The following CCDC73 variants were observed in gnomAD, a reference collection of about 807,000 sequenced individuals.
The protein encoded by CCDC73 is coiled-coil domain-containing protein 73.
In CCDC73, 95 loss-of-function variants were observed where a neutral mutation model predicts 116.5. The observed-to-expected ratio is 0.82, with a 90% CI of 0.69 to 0.97. CCDC73 has a LOEUF of 0.97. Among genes scored for constraint, CCDC73 ranks in the 50% least tolerant of loss-of-function variants. CCDC73 has a pLI of 0.00. For synonymous variants in CCDC73, 398 were observed against 401.3 expected (o/e 0.99, Z 0.10); for missense variants, 1,066 against 1,206.8 (o/e 0.88, Z 1.73).
intron 2 of CCDC73, among the ~76,000 whole-genome samples, chr11:32,741,316 G>C (rs1383312815): frequency 6.6e-6 from 1 of 152,030 alleles, no homozygotes; most frequent in Non-Finnish European, 1.5e-5. Context: ...TCTCTCTTTA[G>C]CTCTAGTAAC....
At chr11:32,721,746 C>T (rs959493771) in intron 2 of CCDC73, among the ~76,000 whole-genome samples, 3 of 151,606 alleles carry the variant, frequency 2.0e-5, no homozygotes, top group South Asian at 2.1e-4. Flanking sequence ...TACAGGCACC[C>T]GCCACAGTGC....
At chr11:32,661,507 G>A (rs892325820) in intron 9 of CCDC73, among the ~76,000 whole-genome samples, 6 of 140,106 alleles carry the variant, frequency 4.3e-5, no homozygotes, top group African/African-American at 1.6e-4. Context: ...GTGTCCAAGT[G>A]TTCTCATTGT....
intron 2 of CCDC73, among the ~76,000 whole-genome samples, chr11:32,718,824 G>A (rs763724887): frequency 5.3e-5 from 8 of 152,164 alleles, no homozygotes; most frequent in Non-Finnish European, 7.4e-5. Flanking sequence ...AGGACTGGGA[G>A]AACAAGGCAA....
intron 2 of CCDC73, among the ~76,000 whole-genome samples, chr11:32,733,638 T>C (rs533121794): frequency 1.3e-5 from 2 of 152,258 alleles, no homozygotes; most frequent in African/African-American, 4.8e-5. Context: ...CTCAACTACA[T>C]GGAAACTGAA....
In CCDC73 at chr11:32,614,413, T is replaced by A. The variant is rs767841619; in HGVS notation, c.1905A>T (p.Ile635=). 42 of 1,613,392 alleles carry A rather than the reference T, an allele frequency of 2.6e-5. No homozygotes were observed. The South Asian group carries it at 4.3e-4, about 16-fold the overall frequency. Residue 635 remains isoleucine (I), a synonymous_variant, in exon 16 of 18, where the codon ATA becomes ATT. Coordinates refer to ENST00000335185, the MANE Select transcript of CCDC73 (RefSeq NM_001008391.4). The part of the protein sequence containing the change: ...TKADLDSSLD[I]KKNPVPCQKY... ...TCTGACATGGAACAGGATTTTTTTT[T>A]ATATCTAGAGACGAGTCCAAATCTG...
At chr11:32,829,291 T>C in the CCDC73 span, among the ~76,000 whole-genome samples, 1 of 152,182 alleles carries the variant, frequency 6.6e-6, no homozygotes, top group Admixed American at 6.5e-5. Flanking sequence ...ATGATGACGT[T>C]ATTACACTTC....
intron 1 of CCDC73, among the ~76,000 whole-genome samples, chr11:32,787,433 C>T (rs1461527901): frequency 1.3e-5 from 2 of 152,110 alleles, no homozygotes; most frequent in African/African-American, 4.8e-5. Flanking sequence ...AGAATATAAA[C>T]ACAATTGTCT....
intron 1 of CCDC73, among the ~76,000 whole-genome samples, chr11:32,775,998 T>A (rs571864591): frequency 1.3e-5 from 2 of 152,304 alleles, no homozygotes; most frequent in East Asian, 3.9e-4. Context: ...TATTTTAATC[T>A]CCAATGAACA....
chr11:32,722,599 A>C (rs111625135), intron 2 of CCDC73, among the ~76,000 whole-genome samples: 3,734 of 152,292 alleles, frequency 0.025, 140 homozygotes, highest in African/African-American at 0.083. Context: ...TATTATTAAA[A>C]CATATTGAAA....
In CCDC73 at chr11:32,635,755, G is replaced by T; in HGVS notation, c.1126C>A (p.Gln376Lys). 1.6e-6 allele frequency: 2 copies of T among 1,290,306 alleles called. No homozygotes were observed. Among genetic ancestry groups the T allele is most frequent in the Non-Finnish European group, 2.0e-6 (2 of 997,688 alleles). 79.9% of individuals were successfully genotyped at this position (1,290,306 alleles called of 1,614,324 possible). The change falls in exon 14 of 18, where the codon CAA becomes AAA. Residue 376 changes from glutamine to lysine, a missense_variant. By Grantham distance (53) the Gln-to-Lys change is moderately conservative. Coordinates refer to ENST00000335185, the MANE Select transcript of CCDC73 (RefSeq NM_001008391.4). ...SSLKETHIKL[Q>K]EHYNKLCNQK... ...TTGCATAATTTGTTATAATGTTCTT[G>T]TAACTTAATATGAGTTTCTTTAAGG...
intron 1 of CCDC73, among the ~76,000 whole-genome samples, chr11:32,783,749 G>A (rs1850603057): frequency 6.6e-6 from 1 of 152,034 alleles, no homozygotes; most frequent in Admixed American, 6.5e-5. Flanking sequence ...ACCACACTGG[G>A]GATTAGGTTT....
chr11:32,755,611 G>GTGTGTATATATATATATCCATATATA (rs1565094119), intron 2 of CCDC73, among the ~76,000 whole-genome samples: 2 of 25,184 alleles, frequency 7.9e-5, no homozygotes, highest in African/African-American at 2.9e-4. Flanking sequence ...CCATATATAT[G>GTGTGTATATATATATATCCATATATA]TGTGTGTATA....
intron 16 of CCDC73, 72 bp from the exon 17 acceptor site, chr11:32,611,337 T>G: frequency 7.7e-7 from 1 of 1,301,034 alleles, no homozygotes; most frequent in Non-Finnish European, 1.1e-6. Flanking sequence ...TGAACTTGTT[T>G]CTGATCCTAT....
intron 2 of CCDC73, among the ~76,000 whole-genome samples, chr11:32,747,413 T>C (rs1299462949): frequency 6.6e-6 from 1 of 152,108 alleles, no homozygotes; most frequent in Non-Finnish European, 1.5e-5. Context: ...GCAGTCTGTC[T>C]GTCATCAGAG....
chr11:32,702,920 T>C lies in CCDC73; in HGVS notation c.232A>G (p.Thr78Ala). Residue 78 changes from threonine (T) to alanine (A), a missense_variant, in exon 4 of 18, where the codon ACA (threonine) becomes GCA (alanine). Coordinates refer to ENST00000335185, the MANE Select transcript of CCDC73 (RefSeq NM_001008391.4). ...QKETLQNQKE[T>A]LAEQHKEAMA... ...GCTTCCTTGTGTTGCTCTGCCAATG[T>C]TTCCTTTTGATTCTGAAGAGTTTCC... 1.2e-6 allele frequency: 2 copies of C among 1,613,130 alleles called. No individual in the cohort carries two copies. The highest frequency in any genetic ancestry group is 1.7e-6 in the Non-Finnish European group (2 of 1,179,126).
rs190820684 is a variant in CCDC73, at chr11:32,789,371, A to T, written c.-16+5242T>A. Among the ~76,000 whole-genome samples, 87 of 152,348 alleles carry T rather than the reference A, an allele frequency of 5.7e-4. 2 individuals carry two copies. In the East Asian group the frequency reaches 0.01, roughly 18 times the overall value. Reference sequence around the variant, plus strand: ...TACCAGAAGAAGAAACCTAAATCCAATATTAATGTAAGCAAATAAAGGAAA... The same window carrying T: ...TACCAGAAGAAGAAACCTAAATCCATTATTAATGTAAGCAAATAAAGGAAA... On this transcript the variant is annotated intron_variant, in intron 1 of 17. Coordinates refer to ENST00000335185, the MANE Select transcript of CCDC73 (RefSeq NM_001008391.4).
chr11:32,681,908 T>C (rs1162711404), intron 7 of CCDC73: 2 of 151,846 alleles, frequency 1.3e-5, no homozygotes, highest in African/African-American at 4.8e-5. Context: ...ATATAAATGT[T>C]CTGCCAGAAT....
chr11:32,649,008 C>G (rs1374299367), intron 12 of CCDC73, among the ~76,000 whole-genome samples: 1 of 152,222 alleles, frequency 6.6e-6, no homozygotes, highest in Non-Finnish European at 1.5e-5. Flanking sequence ...AAGACCACAA[C>G]TCTTAACTTG....
intron 5 of CCDC73, among the ~76,000 whole-genome samples, chr11:32,699,941 C>T (rs1849797648): frequency 6.7e-6 from 1 of 150,144 alleles, no homozygotes; most frequent in Non-Finnish European, 1.5e-5. Context: ...AAATATTTCA[C>T]AGGCTTTAAC....
Sources: allele counts gnomAD v4.1 joint callset (sites outside exome capture counted in the v4.1 genomes callset), GRCh38; gene constraint gnomAD v4.1.1; transcripts MANE v1.5; gene names NCBI Gene and HGNC (gene_info 2026-07-23, HGNC 2026-07-21).